The following ANO9 variants were observed in gnomAD, a reference collection of about 807,000 sequenced individuals.
The protein encoded by ANO9 is anoctamin 9.
A neutral mutation model predicts 100.5 loss-of-function variants in ANO9; 80 were observed. That is an observed-to-expected ratio of 0.80 (90% CI 0.66 to 0.96). The LOEUF (loss-of-function observed/expected upper bound fraction) is 0.96. ANO9 is among the 40% of genes least tolerant of loss of function. The pLI is 0.00. For synonymous variants in ANO9, 473 were observed against 435.6 expected (o/e 1.09, Z -1.07); for missense variants, 1,064 against 1,072.7 (o/e 0.99, Z 0.11).
At position 432,226 on chromosome 11, in the gene ANO9, G is replaced by T; in HGVS notation, c.351-172C>A. 4.4e-6 allele frequency: 3 copies of T among 675,032 alleles called. 1 individual carries two copies. Among genetic ancestry groups the T allele is most frequent in the Non-Finnish European group, 2.5e-6 (1 of 401,346 alleles). The allele number at this position is 675,032 out of a possible 1,614,324, so 41.8% of individuals were successfully genotyped here. A position where few individuals can be genotyped will look rare whatever the true frequency, so the allele number is the denominator to read the frequency against. On this transcript the variant is annotated intron_variant, in intron 4 of 22. Coordinates refer to ENST00000332826, the MANE Select transcript of ANO9 (RefSeq NM_001012302.3). This position sits in a 1 kb window ranked among gnomAD's most constrained non-coding sequence, Gnocchi z 4.8. ...CACAACTCACCCGGGAGCCCACCCCGCACCCTCCTTAAAGTGCTCCCAGGG... is the reference window on the plus strand; with the variant it reads ...CACAACTCACCCGGGAGCCCACCCCTCACCCTCCTTAAAGTGCTCCCAGGG...
Position 431,925 on chromosome 11 carries a change from C to T in ANO9, c.407-19G>A, listed in dbSNP as rs1262496452. 15 of 1,611,236 alleles carry T rather than the reference C, an allele frequency of 9.3e-6. No individual in the cohort carries two copies. Among genetic ancestry groups the T allele is most frequent in the East Asian group, 6.7e-5 (3 of 44,824 alleles). ...AAGGTCTCTGGGTCACAGGGGTTCA[C>T]GAGTCAGGGGGAGTGAGGTGCTGGG... On this transcript the variant is annotated intron_variant, in intron 5 of 22. Coordinates refer to ENST00000332826, the MANE Select transcript of ANO9 (RefSeq NM_001012302.3).
chr11:428,293 C>G, intron 14 of ANO9, 65 bp downstream of exon 14: 1 of 1,609,096 alleles, frequency 6.2e-7, no homozygotes, highest in Non-Finnish European at 8.5e-7. Flanking sequence ...TGACCACAGC[C>G]CCAAGGCCCC....
rs1481736502 is a variant in ANO9 at position 428,760 on chromosome 11, G to C, written c.982C>G (p.Leu328Val). The change falls in exon 12 of 23, where the codon CTA (leucine) becomes GTA (valine). Residue 328 changes from leucine (L) to valine (V), a missense_variant. By Grantham distance (32) the Leu-to-Val change is conservative. Transcript: ENST00000332826. ...AGGACGAGGATGACGGTGCTGCGTAGGTAGGAGTGCTGGTATGGCCGGAGC... is the reference window on the plus strand; with the variant it reads ...AGGACGAGGATGACGGTGCTGCGTACGTAGGAGTGCTGGTATGGCCGGAGC... Reference protein sequence around the residue: ...YKLRPYQHSYLRSTVILVLTL... With the variant: ...YKLRPYQHSYVRSTVILVLTL... The C allele has an allele frequency of 1.2e-6, 2 of 1,613,416 alleles. No individual in the cohort carries two copies. The highest frequency in any genetic ancestry group is 2.2e-5 in the South Asian group (2 of 91,092).
At chr11:420,118 C>T in intron 19 of ANO9, 1 of 1,330,316 alleles carries the variant, frequency 7.5e-7, no homozygotes, top group East Asian at 3.2e-5. Context: ...CCGTCGCTCC[C>T]CTGCTGCCTG....
chr11:424,095 T>C (rs939069602), intron 15 of ANO9, among the ~76,000 whole-genome samples: 6 of 152,076 alleles, frequency 3.9e-5, no homozygotes, highest in Non-Finnish European at 7.4e-5. Flanking sequence ...GGTTTCTTCA[T>C]GTTGGCCAGT....
chr11:422,425 C>T lies in ANO9; in HGVS notation c.1335-1227G>A, dbSNP rs545275267. On this transcript the variant is annotated intron_variant, in intron 15 of 22. Transcript: ENST00000332826. The surrounding 1 kb of genome is among the most constrained non-coding windows in gnomAD (Gnocchi z 4.3). ...GGCTGCTAATCAGCTGACTTTAAGA[C>T]GGGGAGATTATCTTGGGTTATCTGG... is the stretch of plus-strand genomic sequence containing the variant. Among the ~76,000 whole-genome samples the T allele has an allele frequency of 3.3e-5, 5 of 152,322 alleles. No individual in the cohort carries two copies. The highest frequency in any genetic ancestry group is 1.3e-4 in the Admixed American group (2 of 15,300).
chr11:420,670 C>T (rs771407816), intron 18 of ANO9, 48 bp downstream of exon 18: 25 of 1,600,552 alleles, frequency 1.6e-5, no homozygotes, highest in Admixed American at 3.4e-5. Flanking sequence ...CGCGGACCCC[C>T]GCCCCGCATT....
chr11:428,648 C>G lies in ANO9; in HGVS notation c.1021-9G>C, dbSNP rs994864153. The G allele has an allele frequency of 2.5e-5, 41 of 1,611,858 alleles. No homozygotes were observed. Among genetic ancestry groups the G allele is most frequent in the Non-Finnish European group, 3.2e-5 (38 of 1,179,390 alleles). On this transcript the variant is annotated splice_polypyrimidine_tract_variant and intron_variant, in intron 12 of 22. Transcript: ENST00000332826. The stretch of plus-strand genomic sequence containing the variant: ...CCGATCATGAGGCAGATCTGCGGGA[C>G]AGCTGTGGTGGGCGGGGGCCGGGGA...
At chr11:438,395 A>G (rs1347776870) in intron 1 of ANO9, among the ~76,000 whole-genome samples, 1 of 68,852 alleles carries the variant, frequency 1.5e-5, no homozygotes, top group African/African-American at 6.0e-5. Flanking sequence ...CCCCCCCCCG[A>G]CTCACACAGC....
At position 420,845 on chromosome 11, in the gene ANO9, C is replaced by T. The variant is rs779752799; in HGVS notation, c.1506G>A (p.Lys502=). 6.3e-7 allele frequency: 1 copy of T among 1,591,562 alleles called. No homozygotes were observed. ...VEYLVPWVTH[K]CRSLRASESG... ...ACTCGGAGGCCCGCAGAGAGCGGCACTTGTGGGTCACCCACCTGCGGGGAG... is the reference window on the plus strand; with the variant it reads ...ACTCGGAGGCCCGCAGAGAGCGGCATTTGTGGGTCACCCACCTGCGGGGAG... The change falls in exon 18 of 23, where the codon AAG becomes AAA. Residue 502 remains lysine, a synonymous_variant. Coordinates refer to ENST00000332826, the MANE Select transcript of ANO9 (RefSeq NM_001012302.3).
intron 1 of ANO9, among the ~76,000 whole-genome samples, chr11:437,111 A>G (rs1212033751): frequency 1.3e-5 from 2 of 150,122 alleles, no homozygotes; most frequent in Non-Finnish European, 3.0e-5. Flanking sequence ...CAGCGGCGGC[A>G]TTAGATCCTC....
chr11:418,780 G>A lies in ANO9; in HGVS notation c.2070C>T (p.Asn690=). The change falls in exon 22 of 23, where the codon AAC becomes AAT. Residue 690 remains asparagine (N), a synonymous_variant. Coordinates refer to ENST00000332826, the MANE Select transcript of ANO9 (RefSeq NM_001012302.3). ...YRDYRNPPDY[N]FSEQFWFLLA... Reference sequence around the variant, plus strand: ...GGAGGAACCAGAACTGCTCGGAGAAGTTGTAATCGGGGGGATTGCGGTAGT... The same window carrying A: ...GGAGGAACCAGAACTGCTCGGAGAAATTGTAATCGGGGGGATTGCGGTAGT... The A allele has an allele frequency of 6.2e-7, 1 of 1,613,266 alleles. No homozygotes were observed. The highest frequency in any genetic ancestry group is 8.5e-7 in the Non-Finnish European group (1 of 1,180,010).
In ANO9 at chr11:420,633, G is replaced by T; in HGVS notation, c.1634-18C>A. The T allele has an allele frequency of 6.2e-7, 1 of 1,603,476 alleles. No homozygotes were observed. The stretch of plus-strand genomic sequence containing the variant: ...CTGGATCACTGCGCGGTGGGGGTCA[G>T]GCTCACCGGCGCCCCGCACTCATGT... On this transcript the variant is annotated intron_variant, in intron 18 of 22. Coordinates refer to ENST00000332826, the MANE Select transcript of ANO9 (RefSeq NM_001012302.3).
intron 4 of ANO9, 159 bp downstream of exon 4, chr11:433,155 C>T (rs1425466135): frequency 2.1e-6 from 2 of 955,668 alleles, no homozygotes; most frequent in Non-Finnish European, 3.0e-6. Flanking sequence ...GAGGCTCACA[C>T]AGCCAGTGGG....
In ANO9 at chr11:425,637, T is replaced by C. The variant is rs546437845; in HGVS notation, c.1334+2451A>G. On this transcript the variant is annotated intron_variant, in intron 15 of 22. Coordinates refer to ENST00000332826, the MANE Select transcript of ANO9 (RefSeq NM_001012302.3). ...AAAAATGCTCCGATAATATGAACAG[T>C]CAATTCATAGGAAAAAAAATACAAT... Among the ~76,000 whole-genome samples the C allele has an allele frequency of 4.0e-5, 6 of 150,450 alleles. No homozygotes were observed. The South Asian group carries it at 6.3e-4, about 16-fold the overall frequency.
At chr11:429,226 T>C (rs1590458977) in intron 11 of ANO9, among the ~76,000 whole-genome samples, 1 of 120,160 alleles carries the variant, frequency 8.3e-6, no homozygotes, top group African/African-American at 3.3e-5. Flanking sequence ...ACCCCACACG[T>C]GGGGAGACAG....
chr11:429,185 C>T (rs58829074), intron 11 of ANO9, among the ~76,000 whole-genome samples: 16 of 130,538 alleles, frequency 1.2e-4, no homozygotes, highest in Middle Eastern at 5.2e-3. Context: ...CACAGGGACA[C>T]GCCTCACGGG....
Position 418,195 on chromosome 11 carries a change from C to T in ANO9, c.*176G>A, listed in dbSNP as rs759023553. 36 of 664,834 alleles carry T rather than the reference C, an allele frequency of 5.4e-5. No homozygotes were observed. Among genetic ancestry groups the T allele is most frequent in the East Asian group, 4.4e-4 (16 of 36,012 alleles). The allele number at this position is 664,834 out of a possible 1,614,324, so 41.2% of individuals were successfully genotyped here. A position where few individuals can be genotyped will look rare whatever the true frequency, so the allele number is the denominator to read the frequency against. ...CCAAGCCTGAGAGCCCCCACAAAGA[C>T]GGAGCAGGCGGAATAGGGTGGCAGC... On this transcript the variant is annotated 3_prime_UTR_variant, in exon 23 of 23. Transcript: ENST00000332826.
Position 428,177 on chromosome 11 carries a change from C to T in ANO9, c.1245G>A (p.Glu415=). ...CDFEMPRTFS[E]RESRFTIRFF... is the part of the protein sequence containing the mutation. ...AGCGGATGGTGAACCTGCTCTCTCG[C>T]TCCGAGAAGGTCCTGGGCATCTCTG... The change falls in exon 15 of 23, where the codon GAG becomes GAA. Residue 415 remains glutamate (E), a synonymous_variant. Coordinates refer to ENST00000332826, the MANE Select transcript of ANO9 (RefSeq NM_001012302.3). 6.2e-7 allele frequency: 1 copy of T among 1,612,202 alleles called. No homozygotes were observed. Among genetic ancestry groups the T allele is most frequent in the Non-Finnish European group, 8.5e-7 (1 of 1,179,760 alleles).
Sources: gnomAD v4.1 joint callset for allele counts (sites outside exome capture counted in the v4.1 genomes callset) on GRCh38, gnomAD v4.1.1 for gene constraint, Gnocchi (gnomAD v3.1) non-coding constraint, MANE v1.5 for transcripts, NCBI Gene and HGNC (gene_info 2026-07-23, HGNC 2026-07-21) for gene names.